Variants in MICAL2 observed in about 807,000 individuals in gnomAD.
The protein encoded by MICAL2 is [F-actin]-monooxygenase MICAL2.
In MICAL2, 77 loss-of-function variants were observed where a neutral mutation model predicts 127.3. That is an observed-to-expected ratio of 0.60 (90% CI 0.50 to 0.73). MICAL2 has a LOEUF of 0.73. MICAL2 is among the 30% of genes least tolerant of loss of function. MICAL2 has a pLI of 0.00. For synonymous variants in MICAL2, 570 were observed against 551.1 expected, an observed-to-expected ratio of 1.03 and a Z score of -0.48; for missense variants, 1,351 against 1,434.4, an observed-to-expected ratio of 0.94 and a Z score of 0.94.
At chr11:12,253,530 C>T (rs1861857110) in intron 22 of MICAL2, 2 of 152,212 alleles carry the variant, frequency 1.3e-5, no homozygotes, top group Admixed American at 1.3e-4. Flanking sequence ...AACTGCTTCT[C>T]TCTACTCTCA....
chr11:12,296,510 A>G (rs1169162720), downstream of MICAL2, among the ~76,000 whole-genome samples: 1 of 149,422 alleles, frequency 6.7e-6, no homozygotes, highest in African/African-American at 2.4e-5. Flanking sequence ...ACTAAAATGC[A>G]TAACACATTA....
At chr11:12,270,852 C>T (rs1863666546) in intron 24 of MICAL2, among the ~76,000 whole-genome samples, 1 of 152,176 alleles carries the variant, frequency 6.6e-6, no homozygotes, top group Non-Finnish European at 1.5e-5. Flanking sequence ...AGGCCTGTTG[C>T]GTTGTCATCT....
chr11:12,312,364 G>A (rs1482249902), intron 29 of MICAL2, among the ~76,000 whole-genome samples: 1 of 148,680 alleles, frequency 6.7e-6, no homozygotes, highest in African/African-American at 2.5e-5. Flanking sequence ...CATGATGTGC[G>A]TTTTATGTAA....
At chr11:12,278,752 T>TCAGAGTGACTCTCAGAATTTTTC (rs1218024487) in intron 1 of MICAL2, among the ~76,000 whole-genome samples, 3 of 152,110 alleles carry the variant, frequency 2.0e-5, no homozygotes, top group Non-Finnish European at 4.4e-5. Flanking sequence ...AAAGAGAATT[T>TCAGAGTGACTCTCAGAATTTTTC]CAGAGTGACT....
chr11:12,342,780 G>A (rs886102229), intron 32 of MICAL2, among the ~76,000 whole-genome samples: 2 of 152,192 alleles, frequency 1.3e-5, no homozygotes, highest in African/African-American at 2.4e-5. Flanking sequence ...GTGAGGTTAC[G>A]TGCCCAAAGT....
rs967473958 is a variant in MICAL2, at chr11:12,162,064, C to A, written c.-77-15C>A. The A allele has an allele frequency of 7.0e-6, 11 of 1,564,784 alleles. No individual in the cohort carries two copies. The highest frequency in any genetic ancestry group is 2.7e-5 in the African/African-American group (2 of 73,868). ...ATCGTCCAAAGCTGACCTCTGCCTC[C>A]CCCTACTTTCACAGGTGTGACGTTT... On this transcript the variant is annotated splice_polypyrimidine_tract_variant and intron_variant, in intron 2 of 27. Transcript: ENST00000683283.
At chr11:12,208,494 C>T (rs1248467860) in intron 5 of MICAL2, 1 of 213,306 alleles carries the variant, frequency 4.7e-6, no homozygotes, top group African/African-American at 2.3e-5. Context: ...GTGTTTAACA[C>T]ATAGATGTGG....
intron 13 of MICAL2, 103 bp from the exon 14 acceptor site, chr11:12,226,068 G>A (rs1413355070): frequency 9.0e-7 from 1 of 1,111,754 alleles, no homozygotes; most frequent in Non-Finnish European, 1.3e-6. Flanking sequence ...GCCGACACCT[G>A]GCAGAGTGTC....
intron 18 of MICAL2, among the ~76,000 whole-genome samples, chr11:12,241,883 C>T (rs1006621861): frequency 6.7e-6 from 1 of 148,736 alleles, no homozygotes; most frequent in African/African-American, 2.5e-5. Context: ...CAGAGCAATC[C>T]AATCGAAATC....
intron 4 of MICAL2, among the ~76,000 whole-genome samples, chr11:12,206,367 GA>G (rs896024088): frequency 1.3e-5 from 2 of 152,150 alleles, no homozygotes; most frequent in African/African-American, 4.8e-5. Flanking sequence ...TGGGACTCTA[GA>G]AATAACATTG....
chr11:12,230,185 T>C (rs2641940), intron 15 of MICAL2, among the ~76,000 whole-genome samples: 20,061 of 152,222 alleles, frequency 0.13, 1,419 homozygotes, highest in Non-Finnish European at 0.14. Flanking sequence ...TGTATCTGAA[T>C]GCTTTTTTGA....
At position 12,339,479 on chromosome 11, in the gene MICAL2, G is replaced by A. The variant is rs528054689; in HGVS notation, c.5516-10359G>A. Among the ~76,000 whole-genome samples the A allele has an allele frequency of 1.3e-4, 20 of 152,176 alleles. No homozygotes were observed. The East Asian group carries it at 1.4e-3, about 10-fold the overall frequency. Reference sequence around the variant, plus strand: ...GTCATTCTCCATCCAGCTTTGTTCCGTTGCTGGTGAGGAGCTGTGTTCCTT... The same window carrying A: ...GTCATTCTCCATCCAGCTTTGTTCCATTGCTGGTGAGGAGCTGTGTTCCTT... On this transcript the variant is annotated intron_variant, in intron 32 of 34. Coordinates refer to the MICAL2 transcript ENST00000646065.
In MICAL2 at chr11:12,249,246, G is replaced by C. The variant is rs1386327188; in HGVS notation, c.2847G>C (p.Gln949His). Residue 949 changes from glutamine (Q) to histidine (H), a missense_variant and splice_region_variant, in exon 22 of 28, where the codon CAG becomes CAC. Around this residue, in one of 2 missense-constraint regions of MICAL2, gnomAD observed 752 missense variants for 719.4 expected, o/e 1.05. Coordinates refer to ENST00000683283, the MANE Select transcript of MICAL2 (RefSeq NM_001282663.2). The stretch of plus-strand genomic sequence containing the variant: ...GCCATTTGAGAACAGTGCATCCTCA[G>C]GTGAGTTAGAGCCTCCCTGAACTTC... ...HPSHLRTVHP[Q>H]LTVGKVSSGI... is the part of the protein sequence containing the mutation. The C allele has an allele frequency of 6.4e-7, 1 of 1,565,968 alleles. No individual in the cohort carries two copies. Among genetic ancestry groups the C allele is most frequent in the African/African-American group, 1.4e-5 (1 of 73,872 alleles).
chr11:12,206,361 A>T (rs1854682734), intron 4 of MICAL2, among the ~76,000 whole-genome samples: 1 of 151,974 alleles, frequency 6.6e-6, no homozygotes, highest in Admixed American at 6.6e-5. Context: ...TGCCGGTGGG[A>T]CTCTAGAAAT....
At chr11:12,186,138 T>C (rs977116823) in intron 3 of MICAL2, among the ~76,000 whole-genome samples, 1 of 152,364 alleles carries the variant, frequency 6.6e-6, no homozygotes, top group African/African-American at 2.4e-5. Context: ...TGCTGGAAAC[T>C]TGTGGGAAGT....
chr11:12,129,331 T>C (rs1042069803), intron 1 of MICAL2, among the ~76,000 whole-genome samples: 3 of 152,174 alleles, frequency 2.0e-5, no homozygotes, highest in African/African-American at 7.2e-5. Context: ...CACATTCCCA[T>C]TCATATTTCA....
chr11:12,361,330 C>G (rs1415684572), downstream of MICAL2, among the ~76,000 whole-genome samples: 1 of 152,190 alleles, frequency 6.6e-6, no homozygotes, highest in African/African-American at 2.4e-5. Flanking sequence ...TTCTGCAGCC[C>G]TGTGCCAGAT....
At chr11:12,287,869 C>T (rs1590721907), downstream of MICAL2, among the ~76,000 whole-genome samples, 4 of 152,180 alleles carry the variant, frequency 2.6e-5, no homozygotes, top group East Asian at 3.9e-4. Flanking sequence ...ACTCTTCATC[C>T]AGTTCCAGGC....
chr11:12,220,278 T>C lies in MICAL2; in HGVS notation c.1026T>C (p.Ala342=), dbSNP rs1334389839. The part of the protein sequence containing the change: ...QDNLLSYARE[A]ADFATNYQLP... ...ACCTGCTATCCTATGCCCGGGAAGC[T>C]GCAGACTTTGCCACCAACTACCAGC... The change falls in exon 9 of 28, where the codon GCT becomes GCC. Residue 342 remains alanine, a synonymous_variant. Coordinates refer to ENST00000683283, the MANE Select transcript of MICAL2 (RefSeq NM_001282663.2). 6.2e-7 allele frequency: 1 copy of C among 1,614,224 alleles called. No individual in the cohort carries two copies. The highest frequency in any genetic ancestry group is 1.1e-5 in the South Asian group (1 of 91,080).
Sources: gnomAD v4.1 joint callset for allele counts (sites outside exome capture counted in the v4.1 genomes callset) on GRCh38, gnomAD v4.1.1 for gene constraint, gnomAD v4.1.1 regional missense constraint, MANE v1.5 for transcripts, NCBI Gene and HGNC (gene_info 2026-07-23, HGNC 2026-07-21) for gene names.